Variants in MLLT10 observed in about 807,000 individuals in gnomAD.
MLLT10 encodes protein AF-10.
A neutral mutation model predicts 129.1 loss-of-function variants in MLLT10; 30 were observed. The observed-to-expected ratio is 0.23, with a 90% CI of 0.17 to 0.32. The LOEUF is 0.32. Ranked by LOEUF, MLLT10 falls within the 10% of genes least tolerant of loss-of-function variation. The pLI is 1.00. For synonymous variants in MLLT10, 490 were observed against 446.4 expected (o/e 1.10, Z -1.23); for missense variants, 1,119 against 1,268.3 (o/e 0.88, Z 1.79).
intron 13 of MLLT10, among the ~76,000 whole-genome samples, chr10:21,689,563 A>G (rs61469820): frequency 0.024 from 2,100 of 89,250 alleles, 48 homozygotes; most frequent in African/African-American, 0.086. Flanking sequence ...ATATATATAT[A>G]TGTATATATA....
At chr10:21,623,700 CTATT>C (rs772647057) in intron 8 of MLLT10, among the ~76,000 whole-genome samples, 7 of 152,158 alleles carry the variant, frequency 4.6e-5, no homozygotes, top group Non-Finnish European at 7.4e-5. Flanking sequence ...TCAAAGGACT[CTATT>C]TGTTTTTTTC....
At chr10:21,631,053 G>C (rs894210094) in intron 8 of MLLT10, among the ~76,000 whole-genome samples, 1 of 152,140 alleles carries the variant, frequency 6.6e-6, no homozygotes, top group African/African-American at 2.4e-5. Context: ...GCTCAAGCCT[G>C]TAATCCCAGC....
chr10:21,655,721 T>C (rs1307440866), intron 9 of MLLT10, among the ~76,000 whole-genome samples: 2 of 152,110 alleles, frequency 1.3e-5, no homozygotes, highest in African/African-American at 4.8e-5. Context: ...CATTGAGGAA[T>C]GAGGAAACCT....
intron 14 of MLLT10, among the ~76,000 whole-genome samples, chr10:21,719,006 G>A (rs2056950127): frequency 6.6e-6 from 1 of 152,196 alleles, no homozygotes; most frequent in African/African-American, 2.4e-5. Flanking sequence ...GCAGGCGTGA[G>A]CCACCTCGCC....
At chr10:21,674,974 CAAATAAATAAACAAAT>C (rs1383237975) in intron 11 of MLLT10, among the ~76,000 whole-genome samples, 1 of 151,756 alleles carries the variant, frequency 6.6e-6, no homozygotes, top group African/African-American at 2.4e-5. Flanking sequence ...AATAAACAAA[CAAATAAATAAACAAAT>C]AAGAAAGACC....
intron 21 of MLLT10, among the ~76,000 whole-genome samples, chr10:21,736,567 C>T (rs1000005617): frequency 3.9e-5 from 6 of 152,192 alleles, no homozygotes; most frequent in Admixed American, 2.6e-4. Flanking sequence ...AGGTGTGAGC[C>T]ACTGTGCCCA....
chr10:21,650,691 T>C (rs1218488649), intron 8 of MLLT10, among the ~76,000 whole-genome samples: 1 of 152,152 alleles, frequency 6.6e-6, no homozygotes, highest in Non-Finnish European at 1.5e-5. Context: ...CATAATGTAG[T>C]GATTCAAACA....
intron 8 of MLLT10, among the ~76,000 whole-genome samples, chr10:21,639,998 C>G (rs1336942836): frequency 6.6e-6 from 1 of 151,670 alleles, no homozygotes; most frequent in Non-Finnish European, 1.5e-5. Flanking sequence ...TGTCATTTCA[C>G]CTTTGTTACT....
intron 11 of MLLT10, among the ~76,000 whole-genome samples, chr10:21,679,131 G>C (rs1391579630): frequency 6.6e-6 from 1 of 152,160 alleles, no homozygotes; most frequent in African/African-American, 2.4e-5. Context: ...TTGTATTATG[G>C]ATTGAAGTGT....
chr10:21,732,794 C>T, intron 17 of MLLT10, 105 bp from the exon 18 acceptor site: 1 of 879,284 alleles, frequency 1.1e-6, no homozygotes, highest in Non-Finnish European at 1.6e-6. Flanking sequence ...TACAGAATTT[C>T]TACTGTTCTA....
At chr10:21,643,709 CTCCCT>C (rs2048229362) in intron 8 of MLLT10, among the ~76,000 whole-genome samples, 1 of 152,194 alleles carries the variant, frequency 6.6e-6, no homozygotes. Context: ...ACACCTCCCT[CTCCCT>C]GTATTCTGCT....
At chr10:21,706,525 GTC>G (rs1477733432) in intron 13 of MLLT10, among the ~76,000 whole-genome samples, 1 of 152,190 alleles carries the variant, frequency 6.6e-6, no homozygotes, top group African/African-American at 2.4e-5. Context: ...AAGTCATTCA[GTC>G]TCTCGGGATG....
At chr10:21,539,418 T>A (rs1045479094) in intron 3 of MLLT10, among the ~76,000 whole-genome samples, 3 of 151,892 alleles carry the variant, frequency 2.0e-5, no homozygotes, top group Non-Finnish European at 4.4e-5. Context: ...AAATCTTTTT[T>A]TTTTTTTTTT....
rs2038047189 is a variant in MLLT10 at position 21,556,708 on chromosome 10, C to T, written c.240+17796C>T. ...TCACTCCTGGATACATAGAACATCA[C>T]TGCGCATGTGCATCTCCCCACCCCC... is the stretch of plus-strand genomic sequence containing the variant. On this transcript the variant is annotated intron_variant, in intron 3 of 22. Transcript: ENST00000307729. The T allele has an allele frequency of 1.9e-6, 3 of 1,612,466 alleles. No individual in the cohort carries two copies. The South Asian group carries it at 3.3e-5, about 18-fold the overall frequency.
rs200718667 is a variant in MLLT10 at position 21,717,912 on chromosome 10, T to C, written c.1878+3962T>C. Among the ~76,000 whole-genome samples, 167 of 86,656 alleles carry C rather than the reference T, an allele frequency of 1.9e-3. 1 individual carries two copies. In the East Asian group the frequency reaches 0.022, roughly 11 times the overall value. The allele number at this position is 86,656 out of a possible 152,430, so 56.8% of individuals were successfully genotyped here. On this transcript the variant is annotated intron_variant, in intron 14 of 22. Coordinates refer to ENST00000307729, the MANE Select transcript of MLLT10 (RefSeq NM_001195626.3). ...TTCTCCTCCTCCTCCTCCTCCTCCT[T>C]CTCCTTCTCCTTCTTCTTCTCCTTC...
chr10:21,636,615 C>G (rs1256260016), intron 8 of MLLT10, among the ~76,000 whole-genome samples: 10 of 150,598 alleles, frequency 6.6e-5, no homozygotes, highest in African/African-American at 2.4e-4. Context: ...ACTCTTGTTG[C>G]CCAAGCTGGA....
chr10:21,559,122 C>T (rs767106736), intron 3 of MLLT10, among the ~76,000 whole-genome samples: 5 of 152,070 alleles, frequency 3.3e-5, no homozygotes, highest in African/African-American at 7.2e-5. Context: ...CTTGCTGTGT[C>T]GCCCAGGCTG....
At chr10:21,543,943 T>A (rs2035656179) in intron 3 of MLLT10, among the ~76,000 whole-genome samples, 1 of 152,236 alleles carries the variant, frequency 6.6e-6, no homozygotes. Flanking sequence ...TACTTTTGTC[T>A]GCATGCCTGC....
intron 13 of MLLT10, chr10:21,708,844 T>G (rs1427254337): frequency 3.1e-6 from 2 of 642,012 alleles, no homozygotes; most frequent in Non-Finnish European, 3.9e-6. Context: ...TGTACTTTCC[T>G]GACTTACAGA....
Sources: gnomAD v4.1 joint callset for allele counts (sites outside exome capture counted in the v4.1 genomes callset) on GRCh38, gnomAD v4.1.1 for gene constraint, MANE v1.5 for transcripts, NCBI Gene and HGNC (gene_info 2026-07-23, HGNC 2026-07-21) for gene names.